Variants in GJC2 observed in about 807,000 individuals in gnomAD.
The protein encoded by GJC2 is gap junction protein gamma 2.
For synonymous variants in GJC2, 336 were observed against 307.5 expected, an observed-to-expected ratio of 1.09 and a Z score of -0.97; for missense variants, 647 against 648.9, an observed-to-expected ratio of 1.00 and a Z score of 0.03.
intron 1 of GJC2, among the ~76,000 whole-genome samples, chr1:228,153,581 C>CTTTTTTTT (rs149136887): frequency 2.1e-5 from 2 of 93,152 alleles, no homozygotes; most frequent in African/African-American, 4.3e-5. Flanking sequence ...TTTCTCTTTT[C>CTTTTTTTT]TTTTTTTTTT....
chr1:228,154,867 C>T (rs904410171), intron 1 of GJC2, among the ~76,000 whole-genome samples: 5 of 152,354 alleles, frequency 3.3e-5, no homozygotes, highest in African/African-American at 9.6e-5. Context: ...CCCCAGCCCT[C>T]GGGTCTGCCA....
rs1280654307 is a variant in GJC2 at position 228,157,897 on chromosome 1, T to C, written c.139T>C (p.Tyr47His). The change falls in exon 2 of 2, where the codon TAC becomes CAC. Residue 47 changes from tyrosine (Y) to histidine (H), a missense_variant. By Grantham distance (83) the Tyr-to-His change is moderately conservative. Transcript: ENST00000366714. ...VLTAVGGEAI[Y>H]SDEQAKFTCN... ...GACGGCTGTGGGCGGCGAGGCCATC[T>C]ACTCGGACGAGCAGGCCAAGTTCAC... 3.7e-6 allele frequency: 6 copies of C among 1,612,490 alleles called. No homozygotes were observed. The highest frequency in any genetic ancestry group is 4.2e-6 in the Non-Finnish European group (5 of 1,179,836).
At position 228,157,741 on chromosome 1, in the gene GJC2, A is replaced by ACCGC; in HGVS notation, c.-16_-15insGCCC. 1 of 354,470 alleles carries ACCGC rather than the reference A, an allele frequency of 2.8e-6. No homozygotes were observed. The highest frequency in any genetic ancestry group is 5.6e-6 in the Non-Finnish European group (1 of 177,092). The allele number at this position is 354,470 out of a possible 1,614,324, so 22.0% of individuals were successfully genotyped here. The stretch of plus-strand genomic sequence containing the variant: ...GCTGACCCCTACCCCGCCCCACAGG[A>ACCGC]CCCGCCCGCCCGCCCCTATGACCAA... On this transcript the variant is annotated splice_region_variant and 5_prime_UTR_variant, in exon 2 of 2. Transcript: ENST00000366714.
rs1198870647 is a variant in GJC2 at position 228,158,649 on chromosome 1, G to T, written c.891G>T (p.Ala297=). The change falls in exon 2 of 2, where the codon GCG becomes GCT. Residue 297 remains alanine (A), a synonymous_variant. Coordinates refer to ENST00000366714, the MANE Select transcript of GJC2 (RefSeq NM_020435.4). The surrounding 1 kb of genome is among the most constrained non-coding windows in gnomAD (Gnocchi z 8.3). ...AHLGLGSAQD[A]VRGRRGPPAS... is the part of the protein sequence containing the mutation. ...TGGGCTTGGGCAGCGCGCAGGACGCGGTGCGCGGCCGCCGCGGCCCCCCGG... is the reference window on the plus strand; with the variant it reads ...TGGGCTTGGGCAGCGCGCAGGACGCTGTGCGCGGCCGCCGCGGCCCCCCGG... The T allele has an allele frequency of 6.3e-7, 1 of 1,584,846 alleles. No individual in the cohort carries two copies.
chr1:228,157,607 A>T, intron 1 of GJC2, 133 bp from the exon 2 acceptor site: 1 of 615,134 alleles, frequency 1.6e-6, no homozygotes. Context: ...ACTTCCGTTT[A>T]AGGCGGTAAG....
In GJC2 at chr1:228,157,860, C is replaced by A. The variant is rs1170317766; in HGVS notation, c.102C>A (p.Phe34Leu). 1 of 1,610,068 alleles carries A rather than the reference C, an allele frequency of 6.2e-7. No homozygotes were observed. Among genetic ancestry groups the A allele is most frequent in the Non-Finnish European group, 8.5e-7 (1 of 1,178,878 alleles). Reference protein sequence around the residue: ...GKVWLTVLVVFRIVLTAVGGE... With the variant: ...GKVWLTVLVVLRIVLTAVGGE... ...TGTGGCTCACGGTGCTGGTGGTCTT[C>A]CGCATCGTGCTGACGGCTGTGGGCG... is the stretch of plus-strand genomic sequence containing the variant. The change falls in exon 2 of 2, where the codon TTC becomes TTA. Residue 34 changes from phenylalanine (F) to leucine (L), a missense_variant. By Grantham distance (22) the Phe-to-Leu change is conservative. Transcript: ENST00000366714.
Position 228,158,304 on chromosome 1 carries a change from C to G in GJC2, c.546C>G (p.Val182=). Reference sequence around the variant, plus strand: ...CGGAGGAGGCGTGCACTAAGGCGGTCGGCGCTGACGGCAAGGCGGCAGGGA... The same window carrying G: ...CGGAGGAGGCGTGCACTAAGGCGGTGGGCGCTGACGGCAAGGCGGCAGGGA... ...AGAEEACTKA[V]GADGKAAGTP... is the part of the protein sequence containing the mutation. The change falls in exon 2 of 2, where the codon GTC becomes GTG. Residue 182 remains valine, a synonymous_variant. Coordinates refer to ENST00000366714, the MANE Select transcript of GJC2 (RefSeq NM_020435.4). This position sits in a 1 kb window ranked among gnomAD's most constrained non-coding sequence, Gnocchi z 8.3. 2 of 1,543,070 alleles carry G rather than the reference C, an allele frequency of 1.3e-6. No individual in the cohort carries two copies. Among genetic ancestry groups the G allele is most frequent in the Non-Finnish European group, 1.7e-6 (2 of 1,147,156 alleles).
chr1:228,154,459 A>C (rs1236962501), intron 1 of GJC2, among the ~76,000 whole-genome samples: 1 of 152,120 alleles, frequency 6.6e-6, no homozygotes, highest in Non-Finnish European at 1.5e-5. Context: ...GCTTGTGATG[A>C]CACCTTGGCC....
At chr1:228,154,483 T>G (rs181806893) in intron 1 of GJC2, among the ~76,000 whole-genome samples, 8 of 152,268 alleles carry the variant, frequency 5.3e-5, no homozygotes, top group African/African-American at 1.9e-4. Context: ...TGGCCAGGGT[T>G]GGTGTAGGAG....
Position 228,159,187 on chromosome 1 carries a change from ACT to A in GJC2, c.*112_*113del, listed in dbSNP as rs755177517. 540 of 1,318,020 alleles carry A rather than the reference ACT, an allele frequency of 4.1e-4. No individual in the cohort carries two copies. The highest frequency in any genetic ancestry group is 5.4e-4 in the Non-Finnish European group (508 of 943,866). 81.6% of individuals were successfully genotyped at this position (1,318,020 alleles called of 1,614,324 possible). A position where few individuals can be genotyped will look rare whatever the true frequency, so the allele number is the denominator to read the frequency against. On this transcript the variant is annotated 3_prime_UTR_variant, in exon 2 of 2. Coordinates refer to ENST00000366714, the MANE Select transcript of GJC2 (RefSeq NM_020435.4). This position sits in a 1 kb window ranked among gnomAD's most constrained non-coding sequence, Gnocchi z 4.0. ...CTCCTTAGCCGGTGGCCTCAGGCAGACTCTGCCCAGAGGGGCAGCCAGGCTGC... is the reference window on the plus strand; with the variant it reads ...CTCCTTAGCCGGTGGCCTCAGGCAGACTGCCCAGAGGGGCAGCCAGGCTGC...
Position 228,152,395 on chromosome 1 carries a change from C to T in GJC2, c.-20+2388C>T, listed in dbSNP as rs2034628322. Among the ~76,000 whole-genome samples, 3 of 152,106 alleles carry T rather than the reference C, an allele frequency of 2.0e-5. No individual in the cohort carries two copies. Among genetic ancestry groups the T allele is most frequent in the African/African-American group, 7.2e-5 (3 of 41,438 alleles). On this transcript the variant is annotated intron_variant, in intron 1 of 1. Transcript: ENST00000366714. The surrounding 1 kb of genome is among the most constrained non-coding windows in gnomAD (Gnocchi z 7.3). ...GGCTCGTTCTGCAGTGCCTCAGGAC[C>T]CTTGTTCAGACCCAGGATGAGCAGG...
In GJC2 at chr1:228,158,243, C is replaced by A; in HGVS notation, c.485C>A (p.Ala162Asp). Residue 162 changes from alanine (A) to aspartate (D), a missense_variant, in exon 2 of 2, where the codon GCC becomes GAC. By Grantham distance (126) the Ala-to-Asp change is moderately radical. Transcript: ENST00000366714. The surrounding 1 kb of genome is among the most constrained non-coding windows in gnomAD (Gnocchi z 8.3). ...GAGGAGGAGGAGGAGACGGGGGCAG[C>A]CGAGGGCGCCGGCGAGGAAGCGGAG... Reference protein sequence around the residue: ...EEEEEEETGAAEGAGEEAEEA... With the variant: ...EEEEEEETGADEGAGEEAEEA... The A allele has an allele frequency of 6.6e-7, 1 of 1,509,904 alleles. No homozygotes were observed. Among genetic ancestry groups the A allele is most frequent in the Non-Finnish European group, 8.8e-7 (1 of 1,132,896 alleles). 93.5% of individuals were successfully genotyped at this position (1,509,904 alleles called of 1,614,324 possible). A position where few individuals can be genotyped will look rare whatever the true frequency, so the allele number is the denominator to read the frequency against.
rs1451419030 is a variant in GJC2 at position 228,158,894 on chromosome 1, C to A, written c.1136C>A (p.Ala379Glu). 14 of 1,489,190 alleles carry A rather than the reference C, an allele frequency of 9.4e-6. No homozygotes were observed. The East Asian group carries it at 3.7e-4, about 39-fold the overall frequency. 92.2% of individuals were successfully genotyped at this position (1,489,190 alleles called of 1,614,324 possible). A position where few individuals can be genotyped will look rare whatever the true frequency, so the allele number is the denominator to read the frequency against. Reference sequence around the variant, plus strand: ...AGTTCGCCGTGCGTCGGCCTCCCTGCGGCCTCCCGGGGGCCCCCCAGAGCA... The same window carrying A: ...AGTTCGCCGTGCGTCGGCCTCCCTGAGGCCTCCCGGGGGCCCCCCAGAGCA... ...RDSSPCVGLP[A>E]ASRGPPRAGA... Residue 379 changes from alanine (A) to glutamate (E), a missense_variant, in exon 2 of 2, where the codon GCG (alanine) becomes GAG (glutamate). Ala to Glu is a moderately radical substitution (Grantham distance 107, BLOSUM62 -1). Coordinates refer to ENST00000366714, the MANE Select transcript of GJC2 (RefSeq NM_020435.4). This position sits in a 1 kb window ranked among gnomAD's most constrained non-coding sequence, Gnocchi z 8.3.
Position 228,158,022 on chromosome 1 carries a change from C to T in GJC2, c.264C>T (p.Ser88=). ...GGGTCTTCCAGATTGTGGTCATCTC[C>T]ACGCCCTCGGTCATGTACCTGGGCT... ...RFWVFQIVVI[S]TPSVMYLGYA... The change falls in exon 2 of 2, where the codon TCC becomes TCT. Residue 88 remains serine, a synonymous_variant. Coordinates refer to ENST00000366714, the MANE Select transcript of GJC2 (RefSeq NM_020435.4). The surrounding 1 kb of genome is among the most constrained non-coding windows in gnomAD (Gnocchi z 8.3). 6.2e-7 allele frequency: 1 copy of T among 1,611,402 alleles called. No individual in the cohort carries two copies. Among genetic ancestry groups the T allele is most frequent in the Non-Finnish European group, 8.5e-7 (1 of 1,179,616 alleles).
In GJC2 at chr1:228,158,273, C is replaced by A; in HGVS notation, c.515C>A (p.Ala172Glu). 1 of 1,524,604 alleles carries A rather than the reference C, an allele frequency of 6.6e-7. No homozygotes were observed. Among genetic ancestry groups the A allele is most frequent in the Admixed American group, 2.0e-5 (1 of 50,178 alleles). 94.4% of individuals were successfully genotyped at this position (1,524,604 alleles called of 1,614,324 possible). A position where few individuals can be genotyped will look rare whatever the true frequency, so the allele number is the denominator to read the frequency against. Residue 172 changes from alanine to glutamate, a missense_variant, in exon 2 of 2, where the codon GCA (alanine) becomes GAA (glutamate). By Grantham distance (107) the Ala-to-Glu change is moderately radical (BLOSUM62 -1). Coordinates refer to ENST00000366714, the MANE Select transcript of GJC2 (RefSeq NM_020435.4). This position sits in a 1 kb window ranked among gnomAD's most constrained non-coding sequence, Gnocchi z 8.3. ...AEGAGEEAEE[A>E]GAEEACTKAV... ...GGCGCCGGCGAGGAAGCGGAGGAGG[C>A]AGGCGCGGAGGAGGCGTGCACTAAG... is the stretch of plus-strand genomic sequence containing the variant.
intron 1 of GJC2, 51 bp from the exon 2 acceptor site, chr1:228,157,689 C>T (rs1395934973): frequency 2.7e-6 from 3 of 1,109,182 alleles, no homozygotes; most frequent in Middle Eastern, 5.9e-4. Context: ...GCTCTGAGCG[C>T]CGCGGGCTCC....
intron 1 of GJC2, among the ~76,000 whole-genome samples, chr1:228,154,760 C>T (rs928584277): frequency 6.6e-6 from 1 of 152,246 alleles, no homozygotes; most frequent in Non-Finnish European, 1.5e-5. Context: ...CAGAGGGATC[C>T]AGTCTCAGGC....
Position 228,157,829 on chromosome 1 carries a change from G to C in GJC2, c.71G>C (p.Gly24Ala). 1 of 1,578,240 alleles carries C rather than the reference G, an allele frequency of 6.3e-7. No individual in the cohort carries two copies. The highest frequency in any genetic ancestry group is 8.6e-7 in the Non-Finnish European group (1 of 1,159,544). The change falls in exon 2 of 2, where the codon GGC (glycine) becomes GCC (alanine). Residue 24 changes from glycine (G) to alanine (A), a missense_variant. Coordinates refer to ENST00000366714, the MANE Select transcript of GJC2 (RefSeq NM_020435.4). The stretch of plus-strand genomic sequence containing the variant: ...ATCCACAACCACTCCACCTTCGTGG[G>C]CAAGGTGTGGCTCACGGTGCTGGTG... The part of the protein sequence containing the change: ...EEIHNHSTFV[G>A]KVWLTVLVVF...
chr1:228,156,194 G>A (rs1156543233), intron 1 of GJC2, among the ~76,000 whole-genome samples: 2 of 152,162 alleles, frequency 1.3e-5, no homozygotes, highest in African/African-American at 4.8e-5. Context: ...GCATATATGT[G>A]TATGTGGTTG....
Sources: allele counts gnomAD v4.1 joint callset (sites outside exome capture counted in the v4.1 genomes callset), GRCh38; gene constraint gnomAD v4.1.1; non-coding constraint Gnocchi (gnomAD v3.1); transcripts MANE v1.5; gene names NCBI Gene and HGNC (gene_info 2026-07-23, HGNC 2026-07-21).